Variants in MAPK3 observed in about 807,000 individuals in gnomAD.
MAPK3 encodes the protein mitogen-activated protein kinase 3, also known as MAPK 1.
Under a neutral mutation model 41.8 loss-of-function variants are expected in MAPK3, and 30 were observed. The ratio of observed to expected loss-of-function variants is 0.72; its 90% CI spans 0.54 to 0.97. The LOEUF is 0.97. MAPK3 is among the 50% of genes least tolerant of loss of function. The pLI is 0.00. For synonymous variants in MAPK3, 222 were observed against 213.4 expected (o/e 1.04, Z -0.35); for missense variants, 413 against 509.9 (o/e 0.81, Z 1.83).
chr16:30,118,352 A>G lies in MAPK3; in HGVS notation c.540T>C (p.Leu180=). The G allele has an allele frequency of 6.2e-7, 1 of 1,610,188 alleles. No homozygotes were observed. Among genetic ancestry groups the G allele is most frequent in the Non-Finnish European group, 8.5e-7 (1 of 1,177,906 alleles). The change falls in exon 3 of 9, where the codon CTT becomes CTC. Residue 180 remains leucine (L), a synonymous_variant. Transcript: ENST00000263025. ...SNLLINTTCD[L]KICDFGLARI... ...GACAGGTGCCCAACCCTCTGACCTT[A>G]AGGTCGCAGGTGGTGTTGATGAGCA...
At chr16:30,116,180 G>A (rs746513305) in intron 8 of MAPK3, among the ~76,000 whole-genome samples, 1 of 150,988 alleles carries the variant, frequency 6.6e-6, no homozygotes, top group Admixed American at 6.6e-5. Flanking sequence ...GACTAGAAGC[G>A]CATGCCTACG....
At chr16:30,115,122 C>G (rs1567353443) in intron 8 of MAPK3, among the ~76,000 whole-genome samples, 1 of 151,844 alleles carries the variant, frequency 6.6e-6, no homozygotes, top group Non-Finnish European at 1.5e-5. Flanking sequence ...GTCCAGCTAG[C>G]TGGGAGGATC....
intron 8 of MAPK3, 127 bp downstream of exon 8, chr16:30,116,509 C>A (rs929971857): frequency 4.6e-6 from 5 of 1,080,020 alleles, no homozygotes; most frequent in Admixed American, 2.3e-5. Context: ...TCACCAGACA[C>A]ATTGACCATG....
intron 4 of MAPK3, 102 bp downstream of exon 4, chr16:30,117,945 G>T: frequency 8.4e-7 from 1 of 1,192,014 alleles, no homozygotes. Flanking sequence ...GGCCCAGAGG[G>T]TAGAATTCCT....
In MAPK3 at chr16:30,116,518, T is replaced by C. The variant is rs567144142; in HGVS notation, c.*32+118A>G. 142 of 1,111,578 alleles carry C rather than the reference T, an allele frequency of 1.3e-4. No homozygotes were observed. The South Asian group carries it at 1.9e-3, about 15-fold the overall frequency. The allele number at this position is 1,111,578 out of a possible 1,614,324, so 68.9% of individuals were successfully genotyped here. On this transcript the variant is annotated intron_variant, in intron 8 of 8. Transcript: ENST00000263025. Reference sequence around the variant, plus strand: ...CTGTTGTCACCAGACACATTGACCATGGGTGTGGGGTAAGCTTGCTGCTGT... The same window carrying C: ...CTGTTGTCACCAGACACATTGACCACGGGTGTGGGGTAAGCTTGCTGCTGT...
intron 4 of MAPK3, 108 bp from the exon 5 acceptor site, chr16:30,117,892 G>A: frequency 9.3e-7 from 1 of 1,080,284 alleles, no homozygotes; most frequent in Non-Finnish European, 1.4e-6. Context: ...GCAGAAGGCA[G>A]AGGCCTGGAG....
chr16:30,118,760 G>C (rs943460728), intron 2 of MAPK3, among the ~76,000 whole-genome samples: 1 of 152,142 alleles, frequency 6.6e-6, no homozygotes, highest in African/African-American at 2.4e-5. Flanking sequence ...TGAGCAAGGG[G>C]CTTCATTTCT....
At chr16:30,119,955 G>C (rs1688847102) in intron 2 of MAPK3, among the ~76,000 whole-genome samples, 1 of 152,166 alleles carries the variant, frequency 6.6e-6, no homozygotes, top group South Asian at 2.1e-4. Flanking sequence ...GATGACCTGA[G>C]GTCAGGAGTT....
intron 1 of MAPK3, chr16:30,122,399 G>A (rs1567357688): frequency 3.1e-6 from 1 of 322,076 alleles, no homozygotes; most frequent in Non-Finnish European, 6.0e-6. Flanking sequence ...CCAGGGGAGG[G>A]GCAGGAGAGA....
chr16:30,122,916 G>T, intron 1 of MAPK3, 124 bp downstream of exon 1: 1 of 850,098 alleles, frequency 1.2e-6, no homozygotes, highest in Non-Finnish European at 1.6e-6. Context: ...CGATCATCCC[G>T]AGTCTCCTGC....
Position 30,116,983 on chromosome 16 carries a change from TC to T in MAPK3, c.927del (p.Met310CysfsTer2), listed in dbSNP as rs777703899. The T allele has an allele frequency of 6.8e-6, 11 of 1,608,058 alleles. No homozygotes were observed. The highest frequency in any genetic ancestry group is 9.3e-6 in the Non-Finnish European group (11 of 1,176,580). ...SDSKALDLLD[R>X]MLTFNPNKRI... ...CGTTTATTGGGGTTAAAGGTTAACATCCGGTCCAGCAGGTCAAGGGCTATGG... is the reference window on the plus strand; with the variant it reads ...CGTTTATTGGGGTTAAAGGTTAACATCGGTCCAGCAGGTCAAGGGCTATGG... On this transcript the variant is annotated frameshift_variant, in exon 7 of 9. Coordinates refer to ENST00000263025, the MANE Select transcript of MAPK3 (RefSeq NM_002746.3). LOFTEE classifies it high-confidence loss of function.
chr16:30,118,778 C>T (rs936531303), intron 2 of MAPK3, among the ~76,000 whole-genome samples: 2 of 152,218 alleles, frequency 1.3e-5, no homozygotes, highest in Admixed American at 1.3e-4. Flanking sequence ...TCTGAGGCCT[C>T]AGTTTCCCTA....
At position 30,116,993 on chromosome 16, in the gene MAPK3, C is replaced by T. The variant is rs765791622; in HGVS notation, c.918G>A (p.Leu306=). 3.7e-6 allele frequency: 6 copies of T among 1,604,796 alleles called. No homozygotes were observed. In the African/African-American group the frequency reaches 8.0e-5, roughly 21 times the overall value. ...FPKSDSKALD[L]LDRMLTFNPN... ...GGTTAAAGGTTAACATCCGGTCCAG[C>T]AGGTCAAGGGCTATGGAAGGGCAGG... The change falls in exon 7 of 9, where the codon CTG becomes CTA. Residue 306 remains leucine, a synonymous_variant. Transcript: ENST00000263025.
chr16:30,122,068 GCCC>G, intron 1 of MAPK3, 62 bp from the exon 2 acceptor site: 1 of 1,554,042 alleles, frequency 6.4e-7, no homozygotes, highest in Non-Finnish European at 8.8e-7. Flanking sequence ...GGGCCTGGTG[GCCC>G]CACCCAGGCC....
Position 30,123,038 on chromosome 16 carries a change from A to T in MAPK3, c.170+2T>A. On this transcript the variant is annotated splice_donor_variant, in intron 1 of 8. Transcript: ENST00000263025. LOFTEE classifies it high-confidence loss of function. ...ACCCCCTCCCCCGGAACGCCCCCTC[A>T]CCTGACCATGCCGTACGCGCCCTCG... is the stretch of plus-strand genomic sequence containing the variant. 1.7e-6 allele frequency: 2 copies of T among 1,143,846 alleles called. No individual in the cohort carries two copies. Among genetic ancestry groups the T allele is most frequent in the Non-Finnish European group, 2.2e-6 (2 of 916,010 alleles). The allele number at this position is 1,143,846 out of a possible 1,614,324, so 70.9% of individuals were successfully genotyped here. A position where few individuals can be genotyped will look rare whatever the true frequency, so the allele number is the denominator to read the frequency against.
intron 4 of MAPK3, 53 bp from the exon 5 acceptor site, chr16:30,117,837 G>A (rs2072973845): frequency 1.4e-6 from 2 of 1,424,532 alleles, no homozygotes; most frequent in African/African-American, 1.4e-5. Context: ...ACAGGGTCCT[G>A]TTGTCTGCGC....
At chr16:30,115,506 G>C (rs934515265) in intron 8 of MAPK3, 1 of 152,806 alleles carries the variant, frequency 6.5e-6, no homozygotes, top group African/African-American at 2.4e-5. Context: ...ATCTGGGTCA[G>C]GCTGGGCGCT....
At chr16:30,116,065 T>TTG (rs2072951367) in intron 8 of MAPK3, 1 of 145,964 alleles carries the variant, frequency 6.9e-6, no homozygotes, top group Admixed American at 6.8e-5. Context: ...CCTTTTTTTT[T>TTG]TTTTTTTGAG....
chr16:30,120,012 T>C (rs2151046746), intron 2 of MAPK3, among the ~76,000 whole-genome samples: 1 of 151,996 alleles, frequency 6.6e-6, no homozygotes, highest in East Asian at 1.9e-4. Context: ...CTACTGAAAA[T>C]ACAAAAATTA....
Sources: allele counts gnomAD v4.1 joint callset (sites outside exome capture counted in the v4.1 genomes callset), GRCh38; gene constraint gnomAD v4.1.1; transcripts MANE v1.5; gene names NCBI Gene and HGNC (gene_info 2026-07-23, HGNC 2026-07-21).